EXOC6B: variants seen among roughly 807,000 people sequenced by gnomAD.
The protein encoded by EXOC6B is exocyst complex component 6B, also known as SEC15 homolog B.
EXOC6B carries 54 observed loss-of-function variants against 113.5 expected under a neutral mutation model. The observed-to-expected ratio is 0.48, with a 90% CI of 0.38 to 0.60. The LOEUF is 0.60. Among genes scored for constraint, EXOC6B ranks in the 20% least tolerant of loss-of-function variants. The probability of loss-of-function intolerance (pLI) is 0.00; values close to 1 mark genes in which losing one functional copy is unlikely to be tolerated. For synonymous variants in EXOC6B, 357 were observed against 339.0 expected (o/e 1.05, Z -0.58); for missense variants, 797 against 977.5 (o/e 0.82, Z 2.46).
intron 20 of EXOC6B, among the ~76,000 whole-genome samples, chr2:72,268,052 G>C (rs1684243903): frequency 6.6e-6 from 1 of 152,124 alleles, no homozygotes; most frequent in African/African-American, 2.4e-5. Flanking sequence ...AGATAATAAA[G>C]TGTGACATAT....
chr2:72,709,233 A>G (rs1156922645), intron 6 of EXOC6B, among the ~76,000 whole-genome samples: 1 of 152,056 alleles, frequency 6.6e-6, no homozygotes, highest in Admixed American at 6.6e-5. Flanking sequence ...GTATTTCTCT[A>G]TATTTCAGTT....
chr2:72,612,819 C>T (rs932701979), intron 6 of EXOC6B, among the ~76,000 whole-genome samples: 2 of 152,214 alleles, frequency 1.3e-5, no homozygotes, highest in Admixed American at 1.3e-4. Flanking sequence ...GTTTAAGCCC[C>T]ACTGTTTCAA....
intron 20 of EXOC6B, among the ~76,000 whole-genome samples, chr2:72,258,355 C>T (rs1327175856): frequency 5.0e-5 from 7 of 140,766 alleles, no homozygotes; most frequent in Admixed American, 2.8e-4. Context: ...TTATTTTTAT[C>T]TTTTTCTTTT....
intron 8 of EXOC6B, among the ~76,000 whole-genome samples, chr2:72,528,095 T>C (rs1269040574): frequency 6.6e-6 from 1 of 152,056 alleles, no homozygotes; most frequent in East Asian, 1.9e-4. Flanking sequence ...AGAAAGTTAG[T>C]ACTTTTAGAG....
At chr2:72,688,023 A>G (rs1179364799) in intron 6 of EXOC6B, among the ~76,000 whole-genome samples, 2 of 152,136 alleles carry the variant, frequency 1.3e-5, no homozygotes, top group Admixed American at 6.5e-5. Context: ...AAAAATCACC[A>G]AAAGATACTG....
chr2:72,264,486 G>A (rs1361814802), intron 20 of EXOC6B, among the ~76,000 whole-genome samples: 1 of 152,140 alleles, frequency 6.6e-6, no homozygotes, highest in Non-Finnish European at 1.5e-5. Context: ...CAGGAGAATT[G>A]TTTGAACCTG....
chr2:72,436,783 T>A (rs1157795732), intron 18 of EXOC6B, among the ~76,000 whole-genome samples: 1 of 152,126 alleles, frequency 6.6e-6, no homozygotes, highest in African/African-American at 2.4e-5. Context: ...AACTGGTTAT[T>A]CTAGTTAGCA....
At chr2:72,197,019 G>T (rs1216288606) in intron 20 of EXOC6B, among the ~76,000 whole-genome samples, 1 of 152,136 alleles carries the variant, frequency 6.6e-6, no homozygotes, top group East Asian at 1.9e-4. Context: ...CATGATTTAG[G>T]TAAACAGAAG....
At chr2:72,657,567 C>CTTTTTTTTTTTTTTTTTTTTTTTTTTTTT (rs70963136) in intron 6 of EXOC6B, among the ~76,000 whole-genome samples, 6 of 50,378 alleles carry the variant, frequency 1.2e-4, no homozygotes, top group Admixed American at 3.7e-4. Context: ...CTTTCCTTTT[C>CTTTTTTTTTTTTTTTTTTTTTTTTTTTTT]TTTTTTTTTT....
Position 72,284,792 on chromosome 2 carries a change from A to G in EXOC6B, c.2196+50155T>C, listed in dbSNP as rs191457415. Among the ~76,000 whole-genome samples, 40 of 152,164 alleles carry G rather than the reference A, an allele frequency of 2.6e-4. No individual in the cohort carries two copies. In the East Asian group the frequency reaches 4.0e-3, roughly 15 times the overall value. On this transcript the variant is annotated intron_variant, in intron 20 of 21. Transcript: ENST00000272427. ...CATTACAGCAAGGTTGCAGGATACA[A>G]GGTTAATATACAAAAATTATTCACT...
At chr2:72,222,773 A>T (rs1285236535) in intron 20 of EXOC6B, among the ~76,000 whole-genome samples, 1 of 152,162 alleles carries the variant, frequency 6.6e-6, no homozygotes, top group African/African-American at 2.4e-5. Flanking sequence ...TTAATGCATC[A>T]CCAGCATTTC....
At chr2:72,742,359 C>A (rs1381112047) in intron 1 of EXOC6B, among the ~76,000 whole-genome samples, 1 of 151,954 alleles carries the variant, frequency 6.6e-6, no homozygotes, top group Non-Finnish European at 1.5e-5. Context: ...AAGATGAAGT[C>A]TCAATATGTT....
At chr2:72,236,752 A>G (rs1681981684) in intron 20 of EXOC6B, among the ~76,000 whole-genome samples, 1 of 152,042 alleles carries the variant, frequency 6.6e-6, no homozygotes, top group Non-Finnish European at 1.5e-5. Context: ...GATTTAGTAT[A>G]AATAGATTAA....
chr2:72,699,915 G>A (rs765535986), intron 6 of EXOC6B, among the ~76,000 whole-genome samples: 3 of 152,090 alleles, frequency 2.0e-5, no homozygotes, highest in Non-Finnish European at 2.9e-5. Context: ...GTATCCACAA[G>A]AGATTAGTTC....
At chr2:72,558,995 A>G (rs1177541307) in intron 8 of EXOC6B, among the ~76,000 whole-genome samples, 1 of 152,194 alleles carries the variant, frequency 6.6e-6, no homozygotes, top group Non-Finnish European at 1.5e-5. Flanking sequence ...GTGTACTACC[A>G]AAATGGAGAA....
chr2:72,334,925 A>C, intron 20 of EXOC6B, 22 bp downstream of exon 20: 1 of 1,612,020 alleles, frequency 6.2e-7, no homozygotes, highest in Non-Finnish European at 8.5e-7. Flanking sequence ...GAAAAACAAA[A>C]AACAAAAACA....
intron 1 of EXOC6B, among the ~76,000 whole-genome samples, chr2:72,813,517 C>T (rs905885156): frequency 9.2e-5 from 14 of 152,108 alleles, no homozygotes; most frequent in African/African-American, 3.4e-4. Context: ...TTTGCTACTC[C>T]AATGCCAAAA....
rs548178018 is a variant in EXOC6B, at chr2:72,776,974, A to C, written c.114-35505T>G. Among the ~76,000 whole-genome samples the C allele has an allele frequency of 1.6e-4, 24 of 152,166 alleles. 2 individuals carry two copies. Among genetic ancestry groups the C allele is most frequent in the African/African-American group, 4.6e-4 (19 of 41,522 alleles). ...ATACAAGACAGGCCGGGAGCAGTGG[A>C]TCCTGTCTGTAATGCTAGCACTTTG... On this transcript the variant is annotated intron_variant, in intron 1 of 21. Coordinates refer to ENST00000272427, the MANE Select transcript of EXOC6B (RefSeq NM_015189.3).
intron 18 of EXOC6B, among the ~76,000 whole-genome samples, chr2:72,428,313 C>T (rs1031154386): frequency 6.6e-6 from 1 of 152,212 alleles, no homozygotes; most frequent in Non-Finnish European, 1.5e-5. Flanking sequence ...GACCTGGGAG[C>T]TCCCAGAGCC....
Sources: allele counts gnomAD v4.1 joint callset (sites outside exome capture counted in the v4.1 genomes callset), GRCh38; gene constraint gnomAD v4.1.1; transcripts MANE v1.5; gene names NCBI Gene and HGNC (gene_info 2026-07-23, HGNC 2026-07-21).